Variants in DDAH1 observed in about 807,000 individuals in gnomAD.
The protein encoded by DDAH1 is dimethylarginine dimethylaminohydrolase 1, also known as N(G),N(G)-dimethylarginine dimethylaminohydrolase 1.
DDAH1 carries 19 observed loss-of-function variants against 28.8 expected under a neutral mutation model. That is an observed-to-expected ratio of 0.66 (90% CI 0.46 to 0.97). The LOEUF (loss-of-function observed/expected upper bound fraction) is 0.97. DDAH1 is among the 50% of genes least tolerant of loss of function. DDAH1 has a pLI of 0.00. For missense variants in DDAH1, 326 were observed against 375.9 expected, an observed-to-expected ratio of 0.87 and a Z score of 1.10; for synonymous variants, 153 against 154.4, an observed-to-expected ratio of 0.99 and a Z score of 0.07.
At chr1:85,573,329 A>T (rs965277648) in intron 1 of DDAH1, among the ~76,000 whole-genome samples, 1 of 152,244 alleles carries the variant, frequency 6.6e-6, no homozygotes, top group African/African-American at 2.4e-5. Flanking sequence ...GTTAAGAGAC[A>T]GGTATCTCCA....
intron 1 of DDAH1, among the ~76,000 whole-genome samples, chr1:85,370,277 T>C (rs1307226961): frequency 6.6e-6 from 1 of 152,164 alleles, no homozygotes; most frequent in East Asian, 1.9e-4. Context: ...AAACCAACCC[T>C]TCCAATACCT....
At chr1:85,410,902 T>C in intron 1 of DDAH1, among the ~76,000 whole-genome samples, 1 of 152,142 alleles carries the variant, frequency 6.6e-6, no homozygotes. Context: ...TATGAACCTA[T>C]AAGAAGCAGG....
At chr1:85,396,862 C>G (rs1651836155) in intron 1 of DDAH1, among the ~76,000 whole-genome samples, 1 of 151,754 alleles carries the variant, frequency 6.6e-6, no homozygotes. Context: ...TGGTAAAACC[C>G]TATTGCTATA....
intron 1 of DDAH1, among the ~76,000 whole-genome samples, chr1:85,371,434 G>A (rs1314477259): frequency 1.3e-5 from 2 of 152,176 alleles, no homozygotes; most frequent in East Asian, 1.9e-4. Context: ...AGGCTGCAGT[G>A]CACTATGTTC....
rs529152551 is a variant in DDAH1 at position 85,439,096 on chromosome 1, T to C, written c.303+25647A>G. On this transcript the variant is annotated intron_variant, in intron 1 of 5. Transcript: ENST00000284031. The stretch of plus-strand genomic sequence containing the variant: ...TAAAAATTAAGTGAGCTGATAAAAA[T>C]GCTTAATTAATGGTGACTATTATAA... 3.3e-5 allele frequency among the ~76,000 whole-genome samples: 5 copies of C among 152,350 alleles called. No homozygotes were observed. In the South Asian group the frequency reaches 6.2e-4, roughly 19 times the overall value.
At chr1:85,498,605 A>C (rs542056159) in intron 1 of DDAH1, among the ~76,000 whole-genome samples, 1 of 152,284 alleles carries the variant, frequency 6.6e-6, no homozygotes, top group East Asian at 1.9e-4. Context: ...AAGCCAATAG[A>C]GGAAATAAAA....
Position 85,464,754 on chromosome 1 carries a change from G to T in DDAH1, c.292C>A (p.Arg98=). 6.5e-7 allele frequency: 1 copy of T among 1,547,914 alleles called. No homozygotes were observed. Among genetic ancestry groups the T allele is most frequent in the Non-Finnish European group, 8.7e-7 (1 of 1,152,646 alleles). Residue 98 remains arginine, a synonymous_variant, in exon 1 of 6, where the codon CGG becomes AGG. Coordinates refer to ENST00000284031, the MANE Select transcript of DDAH1 (RefSeq NM_012137.4). This position sits in a 1 kb window ranked among gnomAD's most constrained non-coding sequence, Gnocchi z 4.4. ...ALITRPGAPS[R]RKEVDMMKEA... is the part of the protein sequence containing the mutation. ...GAGTCGGCAGTTACCTCCTTCCTCC[G>T]GCTCGGCGCCCCGGGTCGGGTGATG...
intron 1 of DDAH1, among the ~76,000 whole-genome samples, chr1:85,540,471 T>C (rs1658438601): frequency 6.6e-6 from 1 of 152,172 alleles, no homozygotes; most frequent in Non-Finnish European, 1.5e-5. Context: ...CTACCATACA[T>C]TTTGCACTCT....
chr1:85,384,291 G>T (rs776664022), intron 1 of DDAH1, among the ~76,000 whole-genome samples: 7 of 152,282 alleles, frequency 4.6e-5, no homozygotes, highest in Non-Finnish European at 8.8e-5. Flanking sequence ...TAACAATCCT[G>T]CATATCTCTG....
intron 1 of DDAH1, among the ~76,000 whole-genome samples, chr1:85,364,621 C>T (rs541252427): frequency 6.6e-6 from 1 of 151,942 alleles, no homozygotes; most frequent in Admixed American, 6.5e-5. Flanking sequence ...GATTTTGGCT[C>T]ACTGCAACCT....
At chr1:85,492,585 C>T (rs2100729917) in intron 2 of DDAH1, among the ~76,000 whole-genome samples, 1 of 152,208 alleles carries the variant, frequency 6.6e-6, no homozygotes, top group African/African-American at 2.4e-5. Flanking sequence ...GTGGAATTTC[C>T]TTTGTGATCC....
At chr1:85,331,233 T>G (rs1250301273) in intron 4 of DDAH1, among the ~76,000 whole-genome samples, 1 of 152,222 alleles carries the variant, frequency 6.6e-6, no homozygotes, top group African/African-American at 2.4e-5. Context: ...CTCTTGCTTC[T>G]TACTCATGCT....
intron 2 of DDAH1, among the ~76,000 whole-genome samples, chr1:85,478,903 T>C (rs1398974665): frequency 1.3e-5 from 2 of 152,210 alleles, no homozygotes; most frequent in African/African-American, 2.4e-5. Context: ...TAAAGCATAT[T>C]ACATTACTGT....
At chr1:85,430,606 G>T (rs548258608) in intron 1 of DDAH1, among the ~76,000 whole-genome samples, 3 of 152,220 alleles carry the variant, frequency 2.0e-5, no homozygotes, top group African/African-American at 7.2e-5. Flanking sequence ...CCTTGAAGAG[G>T]TTCGTCACAT....
intron 2 of DDAH1, among the ~76,000 whole-genome samples, chr1:85,481,587 C>A (rs2100717333): frequency 6.6e-6 from 1 of 152,162 alleles, no homozygotes; most frequent in South Asian, 2.1e-4. Context: ...CATTATAAAC[C>A]AGCTAGTTTA....
At chr1:85,469,360 G>A (rs1306190452), upstream of DDAH1, among the ~76,000 whole-genome samples, 1 of 152,214 alleles carries the variant, frequency 6.6e-6, no homozygotes, top group African/African-American at 2.4e-5. Flanking sequence ...ACTGTGTAAT[G>A]AAAGCTTGGC....
At chr1:85,407,312 G>A (rs1652451002) in intron 1 of DDAH1, among the ~76,000 whole-genome samples, 1 of 152,222 alleles carries the variant, frequency 6.6e-6, no homozygotes, top group South Asian at 2.1e-4. Context: ...CTTAGCAACT[G>A]AGAGCGGAGC....
intron 1 of DDAH1, chr1:85,379,585 C>G: frequency 2.0e-6 from 2 of 985,180 alleles, no homozygotes; most frequent in Non-Finnish European, 2.4e-6. Context: ...ACTTACATAA[C>G]TTGTGAAAGA....
intron 1 of DDAH1, among the ~76,000 whole-genome samples, chr1:85,433,870 A>G (rs1195757899): frequency 1.3e-5 from 2 of 152,216 alleles, no homozygotes; most frequent in African/African-American, 4.8e-5. Flanking sequence ...CAAAATCTAC[A>G]TATGTTAAAT....
Sources: allele counts gnomAD v4.1 joint callset (sites outside exome capture counted in the v4.1 genomes callset), GRCh38; gene constraint gnomAD v4.1.1; non-coding constraint Gnocchi (gnomAD v3.1); transcripts MANE v1.5; gene names NCBI Gene and HGNC (gene_info 2026-07-23, HGNC 2026-07-21).